Variants in AHI1 observed in about 807,000 individuals in gnomAD.
The protein encoded by AHI1 is jouberin.
AHI1 carries 123 observed loss-of-function variants against 149.3 expected under a neutral mutation model. That is an observed-to-expected ratio of 0.82 (90% CI 0.71 to 0.96). The LOEUF is 0.96. Ranked by LOEUF, AHI1 falls within the 40% of genes least tolerant of loss-of-function variation. AHI1 has a pLI of 0.00. For synonymous variants in AHI1, 475 were observed against 459.8 expected, an observed-to-expected ratio of 1.03 and a Z score of -0.42; for missense variants, 1,439 against 1,422.7, an observed-to-expected ratio of 1.01 and a Z score of -0.18.
chr6:135,391,376 T>G (rs538223119), intron 23 of AHI1, among the ~76,000 whole-genome samples: 31 of 152,102 alleles, frequency 2.0e-4, no homozygotes, highest in Non-Finnish European at 3.4e-4. Context: ...CTATTCCACC[T>G]CAGATCAGGC....
chr6:135,477,134 G>A (rs1038518303), intron 5 of AHI1, among the ~76,000 whole-genome samples: 40 of 149,726 alleles, frequency 2.7e-4, no homozygotes, highest in Non-Finnish European at 4.7e-4. Context: ...TCCACCTCCC[G>A]GGTTCATGCC....
intron 24 of AHI1, among the ~76,000 whole-genome samples, chr6:135,345,101 G>A (rs1016745878): frequency 2.0e-5 from 3 of 152,038 alleles, no homozygotes; most frequent in African/African-American, 2.4e-5. Context: ...TCACATTATC[G>A]TCACTGGGAA....
intron 21 of AHI1, among the ~76,000 whole-genome samples, chr6:135,405,280 C>T (rs1158440117): frequency 1.3e-5 from 2 of 152,116 alleles, no homozygotes; most frequent in African/African-American, 4.8e-5. Flanking sequence ...AGAACACTAA[C>T]AGGTGTAAAA....
Position 135,448,392 on chromosome 6 carries a change from T to C in AHI1, c.1524A>G (p.Pro508=), listed in dbSNP as rs368162800. ...ATTCAAATGCCTCAACAACACTTAA[T>C]GGGGATCGAGGCTTAGTAGGTGGGT... ...LYYPPTKPRS[P]LSVVEAFEWW... The change falls in exon 12 of 29, where the codon CCA becomes CCG. Residue 508 remains proline, a synonymous_variant. Coordinates refer to ENST00000265602, the MANE Select transcript of AHI1 (RefSeq NM_001134831.2). 6.2e-7 allele frequency: 1 copy of C among 1,608,962 alleles called. No homozygotes were observed. The highest frequency in any genetic ancestry group is 8.5e-7 in the Non-Finnish European group (1 of 1,176,654).
chr6:135,382,923 AAAAATATAT>A (rs1281832445), intron 23 of AHI1, among the ~76,000 whole-genome samples: 102 of 68,754 alleles, frequency 1.5e-3, no homozygotes, highest in Non-Finnish European at 2.3e-3. Context: ...AAAAAAAAAA[AAAAATATAT>A]ATATATATAT....
intron 24 of AHI1, among the ~76,000 whole-genome samples, chr6:135,340,272 T>C (rs145067307): frequency 0.01 from 1,566 of 152,134 alleles, 32 homozygotes; most frequent in African/African-American, 0.036. Context: ...CTGAGGAGGC[T>C]GAGGCAGGCG....
At chr6:135,381,370 C>T (rs1432717323) in intron 23 of AHI1, among the ~76,000 whole-genome samples, 1 of 152,112 alleles carries the variant, frequency 6.6e-6, no homozygotes, top group Non-Finnish European at 1.5e-5. Context: ...TACATACAAA[C>T]ACCCATATAG....
chr6:135,283,835 C>T lies in AHI1; in HGVS notation c.*1810G>A, dbSNP rs994533546. 6.6e-6 allele frequency: 1 copy of T among 152,036 alleles called. No individual in the cohort carries two copies. Among genetic ancestry groups the T allele is most frequent in the Non-Finnish European group, 1.5e-5 (1 of 68,020 alleles). 9.4% of individuals were successfully genotyped at this position (152,036 alleles called of 1,614,324 possible). A position where few individuals can be genotyped will look rare whatever the true frequency, so the allele number is the denominator to read the frequency against. On this transcript the variant is annotated 3_prime_UTR_variant, in exon 29 of 29. Transcript: ENST00000265602. The stretch of plus-strand genomic sequence containing the variant: ...TAGTAGTTGCAATATAAAAACAACC[C>T]TTTATTTTTCATATAAACATCAAGA...
At chr6:135,352,597 C>T (rs866123729) in intron 24 of AHI1, among the ~76,000 whole-genome samples, 7 of 151,774 alleles carry the variant, frequency 4.6e-5, no homozygotes, top group African/African-American at 1.7e-4. Context: ...ACATCCCTTC[C>T]GTTATTGCTC....
intron 22 of AHI1, among the ~76,000 whole-genome samples, chr6:135,402,683 A>G (rs553884178): frequency 1.3e-5 from 2 of 152,170 alleles, no homozygotes; most frequent in South Asian, 2.1e-4. Context: ...AGGCTATTCA[A>G]TGTGAAGACA....
intron 22 of AHI1, among the ~76,000 whole-genome samples, chr6:135,399,858 C>A (rs1779769396): frequency 6.6e-6 from 1 of 151,428 alleles, no homozygotes; most frequent in South Asian, 2.1e-4. Context: ...ACTACTCTTC[C>A]AGTTAAGCCA....
intron 20 of AHI1, among the ~76,000 whole-genome samples, chr6:135,426,317 T>C (rs1783907204): frequency 6.6e-6 from 1 of 151,716 alleles, no homozygotes; most frequent in Non-Finnish European, 1.5e-5. Flanking sequence ...TAAGATTACA[T>C]TTTGACTTTA....
intron 5 of AHI1, among the ~76,000 whole-genome samples, chr6:135,481,108 A>C (rs1169111143): frequency 2.6e-5 from 4 of 152,206 alleles, no homozygotes; most frequent in African/African-American, 4.8e-5. Context: ...GACTTGAGCT[A>C]ACACATTCAG....
chr6:135,405,038 C>A lies in AHI1; in HGVS notation c.2962-61G>T, dbSNP rs1780558459. 7 of 1,368,562 alleles carry A rather than the reference C, an allele frequency of 5.1e-6. No homozygotes were observed. In the East Asian group the frequency reaches 1.6e-4, roughly 32 times the overall value. 84.8% of individuals were successfully genotyped at this position (1,368,562 alleles called of 1,614,324 possible). A position where few individuals can be genotyped will look rare whatever the true frequency, so the allele number is the denominator to read the frequency against. ...AATTTCATTAAATATTGACTGTTTG[C>A]AAAACACTCAGATGTTTATCTTCTA... On this transcript the variant is annotated intron_variant, in intron 21 of 28. Coordinates refer to ENST00000265602, the MANE Select transcript of AHI1 (RefSeq NM_001134831.2).
At chr6:135,356,728 A>G (rs1793031331) in intron 24 of AHI1, among the ~76,000 whole-genome samples, 1 of 152,202 alleles carries the variant, frequency 6.6e-6, no homozygotes, top group Non-Finnish European at 1.5e-5. Context: ...TAGCATACTT[A>G]CTAAAGGATA....
intron 27 of AHI1, among the ~76,000 whole-genome samples, chr6:135,294,777 C>T (rs1782874759): frequency 6.9e-6 from 1 of 144,284 alleles, no homozygotes; most frequent in Non-Finnish European, 1.5e-5. Flanking sequence ...ATCACACATA[C>T]AAACTAACTG....
intron 23 of AHI1, among the ~76,000 whole-genome samples, chr6:135,369,442 C>T (rs1237950014): frequency 6.6e-6 from 1 of 152,230 alleles, no homozygotes; most frequent in Non-Finnish European, 1.5e-5. Context: ...CATTTTGAGA[C>T]AGCATCAACA....
intron 24 of AHI1, among the ~76,000 whole-genome samples, chr6:135,323,680 T>G (rs1303961086): frequency 7.0e-6 from 1 of 142,436 alleles, no homozygotes; most frequent in Non-Finnish European, 1.5e-5. Flanking sequence ...TCATTCTCTG[T>G]GCTAAGCAGA....
chr6:135,329,395 CTTAAGAATTATG>C (rs901617675), intron 24 of AHI1, among the ~76,000 whole-genome samples: 1 of 152,108 alleles, frequency 6.6e-6, no homozygotes, highest in African/African-American at 2.4e-5. Context: ...TCCCAGAGCC[CTTAAGAATTATG>C]TTAAATCTAC....
Sources: gnomAD v4.1 joint callset for allele counts (sites outside exome capture counted in the v4.1 genomes callset) on GRCh38, gnomAD v4.1.1 for gene constraint, MANE v1.5 for transcripts, NCBI Gene and HGNC (gene_info 2026-07-23, HGNC 2026-07-21) for gene names.